Variants in ATP8A2 observed in about 807,000 individuals in gnomAD.
ATP8A2 encodes the protein phospholipid-transporting ATPase IB.
Under a neutral mutation model 165.6 loss-of-function variants are expected in ATP8A2, and 100 were observed. The observed-to-expected ratio is 0.60, with a 90% CI of 0.51 to 0.71. The LOEUF (loss-of-function observed/expected upper bound fraction) is 0.71, where lower values mean the gene tolerates loss of function less well. Among genes scored for constraint, ATP8A2 ranks in the 30% least tolerant of loss-of-function variants. The pLI, the probability that ATP8A2 is intolerant of heterozygous loss-of-function variation, is 0.00. For missense variants in ATP8A2, 1,227 were observed against 1,479.5 expected (o/e 0.83, Z 2.80); for synonymous variants, 543 against 548.8 (o/e 0.99, Z 0.15).
chr13:25,575,156 T>C (rs1022623752), intron 19 of ATP8A2, among the ~76,000 whole-genome samples: 9 of 152,194 alleles, frequency 5.9e-5, no homozygotes, highest in African/African-American at 2.2e-4. Flanking sequence ...TCTGAATAGT[T>C]TGGAGCATGT....
At chr13:25,520,413 A>G (rs2037624733) in intron 2 of ATP8A2, among the ~76,000 whole-genome samples, 1 of 152,102 alleles carries the variant, frequency 6.6e-6, no homozygotes, top group Admixed American at 6.5e-5. Flanking sequence ...TTCTTTATCC[A>G]TTCATTCACT....
intron 33 of ATP8A2, among the ~76,000 whole-genome samples, chr13:25,874,396 C>T (rs1338346368): frequency 1.3e-5 from 2 of 152,212 alleles, no homozygotes; most frequent in Admixed American, 6.5e-5. Context: ...AGCCTTTCCT[C>T]ACATCCTGGA....
intron 27 of ATP8A2, among the ~76,000 whole-genome samples, chr13:25,780,939 A>G (rs2044861803): frequency 6.6e-6 from 1 of 152,154 alleles, no homozygotes; most frequent in African/African-American, 2.4e-5. Flanking sequence ...GGATCCCTGT[A>G]CTACAGGATA....
intron 2 of ATP8A2, among the ~76,000 whole-genome samples, chr13:25,502,183 G>C (rs917541528): frequency 6.6e-6 from 1 of 152,200 alleles, no homozygotes; most frequent in African/African-American, 2.4e-5. Context: ...AACATGCTGT[G>C]TGGCATGTCA....
chr13:25,579,420 G>A (rs2039707090), intron 21 of ATP8A2, among the ~76,000 whole-genome samples: 2 of 152,314 alleles, frequency 1.3e-5, no homozygotes, highest in East Asian at 1.9e-4. Context: ...ACGCATGGGT[G>A]TGGCTGCCTG....
At chr13:25,784,406 G>A (rs74926065) in intron 27 of ATP8A2, among the ~76,000 whole-genome samples, 7 of 152,134 alleles carry the variant, frequency 4.6e-5, no homozygotes, top group African/African-American at 1.2e-4. Flanking sequence ...TTCACCTCAC[G>A]AATTCCAATT....
At chr13:25,423,687 C>T (rs9507515) in intron 1 of ATP8A2, among the ~76,000 whole-genome samples, 62,609 of 152,022 alleles carry the variant, frequency 0.41, 14,000 homozygotes, top group East Asian at 0.59. Flanking sequence ...TTGTGTATTA[C>T]GGACTACTGT....
rs1023015852 is a variant in ATP8A2, at chr13:25,835,248, G to A, written c.2755-1915G>A. On this transcript the variant is annotated intron_variant, in intron 28 of 36. Coordinates refer to ENST00000381655, the MANE Select transcript of ATP8A2 (RefSeq NM_016529.6). ...TGGCTTCTGGTAGAAGCTCTGTCCA[G>A]CTATAAAACAAACAATTTTTGTTGT... Among the ~76,000 whole-genome samples the A allele has an allele frequency of 2.6e-5, 4 of 152,250 alleles. No homozygotes were observed. In the South Asian group the frequency reaches 6.2e-4, roughly 24 times the overall value.
At chr13:25,580,293 T>C (rs544525955) in intron 22 of ATP8A2, among the ~76,000 whole-genome samples, 1 of 152,366 alleles carries the variant, frequency 6.6e-6, no homozygotes, top group African/African-American at 2.4e-5. Context: ...GCTGGTTAGA[T>C]GTTGTACATG....
chr13:25,571,691 C>G lies in ATP8A2; in HGVS notation c.1661C>G (p.Ala554Gly). Residue 554 changes from alanine (A) to glycine (G), a missense_variant and splice_region_variant, in exon 18 of 37, where the codon GCG becomes GGG. Coordinates refer to ENST00000381655, the MANE Select transcript of ATP8A2 (RefSeq NM_016529.6). ...ACACCATTCTCAGTCATCATAGAAG[C>G]GGTGAGTAACATGCGTGTGCACATT... ...ARTPFSVIIE[A>G]MGQEQTFGIL... is the part of the protein sequence containing the mutation. The G allele has an allele frequency of 6.2e-7, 1 of 1,613,286 alleles. No individual in the cohort carries two copies. The highest frequency in any genetic ancestry group is 8.5e-7 in the Non-Finnish European group (1 of 1,179,236).
At position 25,675,392 on chromosome 13, in the gene ATP8A2, C is replaced by A. The variant is rs150459607; in HGVS notation, c.2212-23781C>A. On this transcript the variant is annotated intron_variant, in intron 24 of 36. Transcript: ENST00000381655. ...ACACATTTACGCCGTCAAAATCAAG[C>A]CTAGTGGATAGAGGAGTTGTAGAAC... is the stretch of plus-strand genomic sequence containing the variant. Among the ~76,000 whole-genome samples, 1,220 of 152,264 alleles carry A rather than the reference C, an allele frequency of 8.0e-3. 12 individuals are homozygous for A. The highest frequency in any genetic ancestry group is 0.027 in the African/African-American group (1,138 of 41,534).
chr13:25,865,728 G>A (rs551412869), intron 33 of ATP8A2, among the ~76,000 whole-genome samples: 7 of 152,190 alleles, frequency 4.6e-5, no homozygotes, highest in Non-Finnish European at 1.0e-4. Flanking sequence ...CCCAGTGGAA[G>A]TTTCTGAAAT....
At chr13:25,803,149 A>G (rs1950657192) in intron 27 of ATP8A2, among the ~76,000 whole-genome samples, 1 of 152,174 alleles carries the variant, frequency 6.6e-6, no homozygotes, top group South Asian at 2.1e-4. Context: ...GATGGAGAAT[A>G]TGGAGCCAGG....
At chr13:25,894,761 G>A (rs1226129813) in intron 33 of ATP8A2, among the ~76,000 whole-genome samples, 1 of 152,182 alleles carries the variant, frequency 6.6e-6, no homozygotes, top group Non-Finnish European at 1.5e-5. Flanking sequence ...TCCCTTGTAA[G>A]TTGGATTCCT....
At chr13:25,694,035 T>G (rs540135324) in intron 24 of ATP8A2, among the ~76,000 whole-genome samples, 3 of 152,284 alleles carry the variant, frequency 2.0e-5, no homozygotes, top group Non-Finnish European at 4.4e-5. Flanking sequence ...CATCTAATTT[T>G]TTTGTATTTT....
At chr13:25,648,024 C>A (rs2041719942) in intron 24 of ATP8A2, among the ~76,000 whole-genome samples, 1 of 152,080 alleles carries the variant, frequency 6.6e-6, no homozygotes, top group African/African-American at 2.4e-5. Flanking sequence ...GGCCCTTTTT[C>A]TCTTTCTTCT....
chr13:25,811,765 G>A (rs895124525), intron 27 of ATP8A2, among the ~76,000 whole-genome samples: 1 of 152,200 alleles, frequency 6.6e-6, no homozygotes, highest in Non-Finnish European at 1.5e-5. Flanking sequence ...GATAGCTGAA[G>A]CAGGAGGATC....
At chr13:25,562,016 A>T (rs2039170527) in intron 15 of ATP8A2, among the ~76,000 whole-genome samples, 1 of 152,102 alleles carries the variant, frequency 6.6e-6, no homozygotes, top group Non-Finnish European at 1.5e-5. Flanking sequence ...TTATCCCACC[A>T]TCTGTTCATG....
At chr13:25,792,255 T>A (rs2045198456) in intron 27 of ATP8A2, among the ~76,000 whole-genome samples, 1 of 152,250 alleles carries the variant, frequency 6.6e-6, no homozygotes, top group African/African-American at 2.4e-5. Flanking sequence ...TTTCATTTTT[T>A]GGCAGCCCAG....
Sources: allele counts gnomAD v4.1 joint callset (sites outside exome capture counted in the v4.1 genomes callset), GRCh38; gene constraint gnomAD v4.1.1; transcripts MANE v1.5; gene names NCBI Gene and HGNC (gene_info 2026-07-23, HGNC 2026-07-21).